The following MTMR6 variants were observed in gnomAD, a reference collection of about 807,000 sequenced individuals.
The protein encoded by MTMR6 is myotubularin related protein 6.
A neutral mutation model predicts 80.1 loss-of-function variants in MTMR6; 47 were observed. The ratio of observed to expected loss-of-function variants is 0.59; its 90% CI spans 0.46 to 0.75. MTMR6 has a LOEUF of 0.75. Ranked by LOEUF, MTMR6 falls within the 30% of genes least tolerant of loss-of-function variation. MTMR6 has a pLI of 0.00. For missense variants in MTMR6, 629 were observed against 730.9 expected, an observed-to-expected ratio of 0.86 and a Z score of 1.61; for synonymous variants, 254 against 253.0, an observed-to-expected ratio of 1.00 and a Z score of -0.04.
At chr13:25,285,687 C>A (rs564938108) in intron 1 of MTMR6, among the ~76,000 whole-genome samples, 1 of 152,098 alleles carries the variant, frequency 6.6e-6, no homozygotes, top group Non-Finnish European at 1.5e-5. Flanking sequence ...GCGCCTGCCA[C>A]CATGCCCGGC....
At chr13:25,283,814 T>C (rs1957906713) in intron 1 of MTMR6, among the ~76,000 whole-genome samples, 1 of 152,228 alleles carries the variant, frequency 6.6e-6, no homozygotes, top group African/African-American at 2.4e-5. Context: ...AAAGACTGCA[T>C]AAAGAACTGT....
At chr13:25,265,606 G>A (rs987543062) in intron 5 of MTMR6, among the ~76,000 whole-genome samples, 3 of 151,890 alleles carry the variant, frequency 2.0e-5, no homozygotes. Context: ...GGTGGCACGC[G>A]CCTGCAGTCC....
intron 1 of MTMR6, among the ~76,000 whole-genome samples, chr13:25,284,070 G>A (rs1957911300): frequency 6.6e-6 from 1 of 152,110 alleles, no homozygotes; most frequent in African/African-American, 2.4e-5. Flanking sequence ...TCTCTGGTTA[G>A]CAAGCAATAA....
At chr13:25,254,735 T>G (rs17082047) in intron 9 of MTMR6, among the ~76,000 whole-genome samples, 10,287 of 152,236 alleles carry the variant, frequency 0.068, 422 homozygotes, top group Admixed American at 0.094. Flanking sequence ...AGTTTTTGTA[T>G]GTATGAAGAT....
At chr13:25,277,397 T>C (rs186444848) in intron 1 of MTMR6, among the ~76,000 whole-genome samples, 107 of 152,364 alleles carry the variant, frequency 7.0e-4, no homozygotes, top group African/African-American at 2.5e-3. Context: ...CTTTCATTTA[T>C]GCATGAATAT....
intron 1 of MTMR6, among the ~76,000 whole-genome samples, chr13:25,274,994 A>ACACACACACACACACACACACACACACC (rs1957685826): frequency 6.8e-6 from 1 of 148,140 alleles, no homozygotes. Context: ...ACACACACAC[A>ACACACACACACACACACACACACACACC]CACACACACA....
Position 25,251,023 on chromosome 13 carries a change from T to G in MTMR6, c.1605+626A>C, listed in dbSNP as rs1288314372. On this transcript the variant is annotated intron_variant, in intron 13 of 13. Coordinates refer to ENST00000381801, the MANE Select transcript of MTMR6 (RefSeq NM_004685.5). This position sits in a 1 kb window ranked among gnomAD's most constrained non-coding sequence, Gnocchi z 4.1. ...ATGTTTTATTTCTTTTTTTTTTGTT[T>G]GTTTTTGTTTTGAGATGGAGTCTTG... Among the ~76,000 whole-genome samples the G allele has an allele frequency of 6.6e-6, 1 of 151,866 alleles. No individual in the cohort carries two copies. Among genetic ancestry groups the G allele is most frequent in the Non-Finnish European group, 1.5e-5 (1 of 67,974 alleles).
At position 25,273,966 on chromosome 13, in the gene MTMR6, T is replaced by C. The variant is rs921564640; in HGVS notation, c.141+105A>G. On this transcript the variant is annotated intron_variant, in intron 2 of 13. Transcript: ENST00000381801. ...AGACCAAAAAATATTTTGGTTGAGA[T>C]AGGTAACCAATGATTAAAAATTGTG... 3.5e-5 allele frequency: 28 copies of C among 790,638 alleles called. No homozygotes were observed. The East Asian group carries it at 6.3e-4, about 18-fold the overall frequency. 49.0% of individuals were successfully genotyped at this position (790,638 alleles called of 1,614,324 possible).
At chr13:25,255,569 G>C (rs1957183760) in intron 9 of MTMR6, among the ~76,000 whole-genome samples, 1 of 151,972 alleles carries the variant, frequency 6.6e-6, no homozygotes, top group South Asian at 2.1e-4. Flanking sequence ...TGTTGCCCAG[G>C]CTGGAGTGCA....
intron 5 of MTMR6, 42 bp downstream of exon 5, chr13:25,265,777 G>A: frequency 1.3e-6 from 2 of 1,555,416 alleles, no homozygotes; most frequent in African/African-American, 1.4e-5. Flanking sequence ...ACCTGAAGAT[G>A]AGTTATACTT....
intron 6 of MTMR6, among the ~76,000 whole-genome samples, chr13:25,261,245 T>C (rs182468859): frequency 7.3e-4 from 96 of 131,064 alleles, no homozygotes; most frequent in African/African-American, 2.7e-3. Flanking sequence ...GAGGCAGAGG[T>C]TGCAGTGAGC....
intron 2 of MTMR6, among the ~76,000 whole-genome samples, chr13:25,268,975 T>C (rs1957511668): frequency 6.6e-6 from 1 of 152,198 alleles, no homozygotes; most frequent in Non-Finnish European, 1.5e-5. Flanking sequence ...AGCAAAGTTG[T>C]GGACATGTCC....
chr13:25,281,000 G>T (rs1279263129), intron 1 of MTMR6, among the ~76,000 whole-genome samples: 1 of 152,156 alleles, frequency 6.6e-6, no homozygotes, highest in African/African-American at 2.4e-5. Context: ...AAAACACAGA[G>T]AACCCCACAC....
At chr13:25,265,500 G>A (rs1361587847) in intron 5 of MTMR6, among the ~76,000 whole-genome samples, 1 of 152,100 alleles carries the variant, frequency 6.6e-6, no homozygotes, top group Non-Finnish European at 1.5e-5. Flanking sequence ...CCAGTATTTT[G>A]GGAGGTTAAG....
At position 25,246,504 on chromosome 13, in the gene MTMR6, C is replaced by T. The variant is rs1425985142; in HGVS notation, c.*2728G>A. The T allele has an allele frequency of 2.0e-5, 3 of 152,546 alleles. No homozygotes were observed. Among genetic ancestry groups the T allele is most frequent in the Non-Finnish European group, 2.9e-5 (2 of 68,034 alleles). The allele number at this position is 152,546 out of a possible 1,614,324, so 9.4% of individuals were successfully genotyped here. A position where few individuals can be genotyped will look rare whatever the true frequency, so the allele number is the denominator to read the frequency against. ...CTAAAACTTGACTAATGAAGATCAGCGTCACTAATAAAAGTCTGCAACTGT... is the reference window on the plus strand; with the variant it reads ...CTAAAACTTGACTAATGAAGATCAGTGTCACTAATAAAAGTCTGCAACTGT... On this transcript the variant is annotated 3_prime_UTR_variant, in exon 14 of 14. Transcript: ENST00000381801.
rs916332682 is a variant in MTMR6, at chr13:25,251,376, G to A, written c.1605+273C>T. Among the ~76,000 whole-genome samples, 3 of 152,104 alleles carry A rather than the reference G, an allele frequency of 2.0e-5. No individual in the cohort carries two copies. Among genetic ancestry groups the A allele is most frequent in the Admixed American group, 6.6e-5 (1 of 15,266 alleles). On this transcript the variant is annotated intron_variant, in intron 13 of 13. Transcript: ENST00000381801. This position sits in a 1 kb window ranked among gnomAD's most constrained non-coding sequence, Gnocchi z 4.1. ...AAGATCTGAGGCATATATAGTAAAT[G>A]TTAAAATCCCACAAAAGCTAGCTGG...
At position 25,266,176 on chromosome 13, in the gene MTMR6, C is replaced by G. The variant is rs746884993; in HGVS notation, c.415G>C (p.Val139Leu). The G allele has an allele frequency of 1.2e-6, 2 of 1,614,110 alleles. No individual in the cohort carries two copies. The highest frequency in any genetic ancestry group is 3.3e-5 in the Admixed American group (2 of 60,022). ...GACAACTGCCAGTGTGAGTTTGGCA[C>G]TCCCATCCTCTTATATTCCTCAGCG... ...DLAEEYKRMG[V>L]PNSHWQLSDA... The change falls in exon 4 of 14, where the codon GTG becomes CTG. Residue 139 changes from valine (V) to leucine (L), a missense_variant. Transcript: ENST00000381801.
intron 6 of MTMR6, among the ~76,000 whole-genome samples, chr13:25,260,894 C>G (rs1385265093): frequency 6.6e-6 from 1 of 152,124 alleles, no homozygotes; most frequent in Non-Finnish European, 1.5e-5. Flanking sequence ...TTAAAATTCT[C>G]TAGTTCAATG....
At position 25,287,285 on chromosome 13, in the gene MTMR6, G is replaced by A. The variant is rs1593162124; in HGVS notation, c.-38C>T. ...TCAGCCGGCAGCCGGTCTCACAGGC[G>A]TACCATACGGCTACAGAAACAGGGC... On this transcript the variant is annotated 5_prime_UTR_variant, in exon 1 of 14. The change creates a new upstream start codon in the 5' untranslated region. Transcript: ENST00000381801. 7.0e-6 allele frequency: 11 copies of A among 1,579,614 alleles called. No individual in the cohort carries two copies. The highest frequency in any genetic ancestry group is 9.4e-6 in the Non-Finnish European group (11 of 1,166,064).
Sources: allele counts gnomAD v4.1 joint callset (sites outside exome capture counted in the v4.1 genomes callset), GRCh38; gene constraint gnomAD v4.1.1; non-coding constraint Gnocchi (gnomAD v3.1); transcripts MANE v1.5; gene names NCBI Gene and HGNC (gene_info 2026-07-23, HGNC 2026-07-21).